Variants in PIGK observed in about 807,000 individuals in gnomAD.
PIGK encodes GPI-anchor transamidase.
PIGK carries 42 observed loss-of-function variants against 50.6 expected under a neutral mutation model. That is an observed-to-expected ratio of 0.83 (90% CI 0.65 to 1.07). PIGK has a LOEUF of 1.07. PIGK is among the 50% of genes least tolerant of loss of function. PIGK has a pLI of 0.00. For synonymous variants in PIGK, 151 were observed against 156.0 expected (o/e 0.97, Z 0.24); for missense variants, 448 against 488.7 (o/e 0.92, Z 0.78).
intron 10 of PIGK, among the ~76,000 whole-genome samples, chr1:77,110,076 G>A (rs970897792): frequency 6.6e-6 from 1 of 152,120 alleles, no homozygotes; most frequent in African/African-American, 2.4e-5. Context: ...CCTCTTCAAG[G>A]AGAACTACAA....
At chr1:77,211,793 GTTTC>G (rs1253711066) in intron 1 of PIGK, among the ~76,000 whole-genome samples, 2 of 146,236 alleles carry the variant, frequency 1.4e-5, no homozygotes, top group South Asian at 2.1e-4. Context: ...GATTGCTGAG[GTTTC>G]TTTCTTTCTT....
At chr1:77,178,163 AT>A (rs1181986467) in intron 3 of PIGK, among the ~76,000 whole-genome samples, 2 of 152,240 alleles carry the variant, frequency 1.3e-5, no homozygotes, top group African/African-American at 2.4e-5. Flanking sequence ...GCCTTGACAG[AT>A]AAAAAATGAA....
chr1:77,203,904 C>T (rs1169018674), intron 3 of PIGK, among the ~76,000 whole-genome samples: 1 of 152,156 alleles, frequency 6.6e-6, no homozygotes, highest in Non-Finnish European at 1.5e-5. Flanking sequence ...TCTTGGTAAA[C>T]TGAGGATGTA....
chr1:77,164,712 G>A (rs1255851961), intron 5 of PIGK, among the ~76,000 whole-genome samples: 1 of 151,640 alleles, frequency 6.6e-6, no homozygotes, highest in Non-Finnish European at 1.5e-5. Context: ...AAGCACATAC[G>A]AGATTTCAGT....
chr1:77,215,515 T>C (rs1656538821), intron 1 of PIGK, among the ~76,000 whole-genome samples: 1 of 152,130 alleles, frequency 6.6e-6, no homozygotes, highest in African/African-American at 2.4e-5. Context: ...GTATGGAAGC[T>C]CCTCAAAACA....
intron 9 of PIGK, among the ~76,000 whole-genome samples, chr1:77,137,275 T>G (rs1002854289): frequency 2.0e-5 from 3 of 152,172 alleles, no homozygotes; most frequent in Non-Finnish European, 4.4e-5. Flanking sequence ...AGATGACAAA[T>G]TCTGAGAAAG....
At chr1:77,098,532 T>C (rs1236434250) in intron 10 of PIGK, among the ~76,000 whole-genome samples, 1 of 152,038 alleles carries the variant, frequency 6.6e-6, no homozygotes, top group African/African-American at 2.4e-5. Flanking sequence ...GATAGGGTTT[T>C]GCCATGTTGA....
chr1:77,126,807 C>A (rs955661878), intron 9 of PIGK, among the ~76,000 whole-genome samples: 7 of 152,174 alleles, frequency 4.6e-5, no homozygotes, highest in African/African-American at 1.7e-4. Context: ...TGGAACTTTT[C>A]TCCTGTAAAA....
intron 1 of PIGK, among the ~76,000 whole-genome samples, chr1:77,218,890 C>G (rs529438932): frequency 6.6e-6 from 1 of 152,136 alleles, no homozygotes; most frequent in East Asian, 1.9e-4. Context: ...ATATTTATCC[C>G]ATGTTCTAAT....
chr1:77,203,969 C>A (rs1264713834), intron 3 of PIGK, among the ~76,000 whole-genome samples: 1 of 152,134 alleles, frequency 6.6e-6, no homozygotes, highest in African/African-American at 2.4e-5. Context: ...GTTTGTAGAG[C>A]ATGTGTGTTT....
chr1:77,143,221 C>T (rs1269306616), intron 9 of PIGK, among the ~76,000 whole-genome samples: 1 of 152,122 alleles, frequency 6.6e-6, no homozygotes, highest in Non-Finnish European at 1.5e-5. Context: ...AATCCTCACA[C>T]ACAAACACCC....
chr1:77,178,865 TGCTG>T (rs1557815546), intron 3 of PIGK, among the ~76,000 whole-genome samples: 1 of 152,184 alleles, frequency 6.6e-6, no homozygotes, highest in Non-Finnish European at 1.5e-5. Context: ...ATGACTGACA[TGCTG>T]AGACCAGAAA....
intron 10 of PIGK, among the ~76,000 whole-genome samples, chr1:77,118,398 C>T (rs1057229392): frequency 1.3e-5 from 2 of 151,832 alleles, no homozygotes; most frequent in Admixed American, 6.6e-5. Context: ...CATCACCATG[C>T]CTGGTTAATT....
chr1:77,110,503 C>A (rs9726585), intron 10 of PIGK, among the ~76,000 whole-genome samples: 43,225 of 151,860 alleles, frequency 0.28, 7,310 homozygotes, highest in East Asian at 0.51. Context: ...AAAACAAGAA[C>A]AAGGGAAAGG....
chr1:77,157,797 T>C (rs1655041879), intron 8 of PIGK, among the ~76,000 whole-genome samples: 1 of 152,156 alleles, frequency 6.6e-6, no homozygotes, highest in Non-Finnish European at 1.5e-5. Context: ...AGGAGGTAAC[T>C]GAATCATAGG....
At chr1:77,192,324 CAATT>C (rs1171142080) in intron 3 of PIGK, among the ~76,000 whole-genome samples, 2 of 152,068 alleles carry the variant, frequency 1.3e-5, no homozygotes, top group African/African-American at 2.4e-5. Context: ...TAACAAATCT[CAATT>C]AAATGTAATT....
chr1:77,107,351 G>A (rs938416956), intron 10 of PIGK, among the ~76,000 whole-genome samples: 4 of 152,178 alleles, frequency 2.6e-5, no homozygotes, highest in African/African-American at 4.8e-5. Flanking sequence ...TATGTACCCA[G>A]TAGTCATTCA....
Position 77,149,060 on chromosome 1 carries a change from A to C in PIGK, c.986+5389T>G, listed in dbSNP as rs185382546. On this transcript the variant is annotated intron_variant, in intron 9 of 10. Transcript: ENST00000370812. ...ATTAGAACTATACGATTTTTAATGAACCTAATGGTAACCACAAAGCAAAAA... is the reference window on the plus strand; with the variant it reads ...ATTAGAACTATACGATTTTTAATGACCCTAATGGTAACCACAAAGCAAAAA... Among the ~76,000 whole-genome samples, 19 of 152,192 alleles carry C rather than the reference A, an allele frequency of 1.2e-4. 1 individual carries two copies. The highest frequency in any genetic ancestry group is 4.3e-4 in the African/African-American group (18 of 41,534).
At chr1:77,151,977 C>A (rs1042302266) in intron 9 of PIGK, among the ~76,000 whole-genome samples, 2 of 151,950 alleles carry the variant, frequency 1.3e-5, no homozygotes, top group Non-Finnish European at 2.9e-5. Flanking sequence ...TCCAATGGCA[C>A]TTTTCATATA....
Sources: gnomAD v4.1 joint callset for allele counts (sites outside exome capture counted in the v4.1 genomes callset) on GRCh38, gnomAD v4.1.1 for gene constraint, MANE v1.5 for transcripts, NCBI Gene and HGNC (gene_info 2026-07-23, HGNC 2026-07-21) for gene names.